The following ATP13A4 variants were observed in gnomAD, a reference collection of about 807,000 sequenced individuals.
ATP13A4 encodes probable cation-transporting ATPase 13A4.
A neutral mutation model predicts 142.5 loss-of-function variants in ATP13A4; 114 were observed. The observed-to-expected ratio is 0.80, with a 90% CI of 0.69 to 0.93. The LOEUF (loss-of-function observed/expected upper bound fraction) is 0.93, where lower values mean the gene tolerates loss of function less well. Among genes scored for constraint, ATP13A4 ranks in the 40% least tolerant of loss-of-function variants. The pLI, the probability that ATP13A4 is intolerant of heterozygous loss-of-function variation, is 0.00. For missense variants in ATP13A4, 1,392 were observed against 1,454.0 expected (o/e 0.96, Z 0.69); for synonymous variants, 488 against 514.8 (o/e 0.95, Z 0.70).
At chr3:193,493,947 A>G (rs1360905009) in intron 3 of ATP13A4, among the ~76,000 whole-genome samples, 2 of 152,118 alleles carry the variant, frequency 1.3e-5, no homozygotes, top group Non-Finnish European at 2.9e-5. Flanking sequence ...GAATGGAAGA[A>G]GACATTCCAT....
chr3:193,564,887 A>G (rs1724098073), intron 2 of ATP13A4, among the ~76,000 whole-genome samples: 2 of 152,100 alleles, frequency 1.3e-5, no homozygotes. Context: ...TTAGATTCTC[A>G]TAGGAGCACA....
chr3:193,487,263 G>A (rs1719685953), intron 7 of ATP13A4, among the ~76,000 whole-genome samples: 1 of 151,894 alleles, frequency 6.6e-6, no homozygotes, highest in African/African-American at 2.4e-5. Flanking sequence ...CACTGCAGGG[G>A]GACCATAACA....
chr3:193,563,652 TGA>T (rs1293760305), intron 2 of ATP13A4, among the ~76,000 whole-genome samples: 1 of 152,232 alleles, frequency 6.6e-6, no homozygotes, highest in Non-Finnish European at 1.5e-5. Flanking sequence ...GGCAATAGAC[TGA>T]GAGTGTCTCA....
chr3:193,511,208 T>C (rs935864780), intron 2 of ATP13A4, among the ~76,000 whole-genome samples: 2 of 152,162 alleles, frequency 1.3e-5, no homozygotes, highest in Non-Finnish European at 2.9e-5. Flanking sequence ...CTTAGACTGC[T>C]CTGATTAGCT....
At chr3:193,506,443 G>A (rs1177686463) in intron 2 of ATP13A4, among the ~76,000 whole-genome samples, 8 of 152,152 alleles carry the variant, frequency 5.3e-5, no homozygotes, top group Admixed American at 1.3e-4. Context: ...TTCAAAAGTC[G>A]AATGTATACA....
intron 1 of ATP13A4, among the ~76,000 whole-genome samples, chr3:193,541,111 T>A (rs868787922): frequency 3.2e-4 from 49 of 151,562 alleles, no homozygotes; most frequent in African/African-American, 1.1e-3. Flanking sequence ...TAGCCGGGCG[T>A]GGTGGCAGGC....
intron 1 of ATP13A4, among the ~76,000 whole-genome samples, chr3:193,526,496 T>G (rs964531757): frequency 4.6e-5 from 7 of 152,058 alleles, no homozygotes; most frequent in African/African-American, 1.7e-4. Context: ...GACAAATACC[T>G]AATACGTGCA....
At chr3:193,445,518 A>G (rs1560192017) in intron 18 of ATP13A4, among the ~76,000 whole-genome samples, 1 of 152,092 alleles carries the variant, frequency 6.6e-6, no homozygotes, top group Non-Finnish European at 1.5e-5. Context: ...GCACTTTGGG[A>G]GGCCAAGGTG....
chr3:193,519,476 T>TCCCATGGCTTG (rs1236946887), intron 1 of ATP13A4, among the ~76,000 whole-genome samples: 1 of 152,118 alleles, frequency 6.6e-6, no homozygotes, highest in African/African-American at 2.4e-5. Context: ...CTCATGGTCT[T>TCCCATGGCTTG]CCCATGGCTT....
Position 193,457,317 on chromosome 3 carries a change from G to C in ATP13A4, c.1761+62C>G. ...CACATCTGTGACCTTTCAAAAACTG[G>C]GGGCCAGAAGAGTTTCTCTTTGAGT... On this transcript the variant is annotated intron_variant, in intron 15 of 29. Transcript: ENST00000342695. 4.4e-6 allele frequency: 7 copies of C among 1,595,354 alleles called. No individual in the cohort carries two copies. In the South Asian group the frequency reaches 6.6e-5, roughly 15 times the overall value.
intron 2 of ATP13A4, among the ~76,000 whole-genome samples, chr3:193,560,414 G>T (rs1723989629): frequency 6.6e-6 from 1 of 151,994 alleles, no homozygotes; most frequent in Non-Finnish European, 1.5e-5. Flanking sequence ...AAAACATGTT[G>T]CCCAGGCTGG....
intron 2 of ATP13A4, among the ~76,000 whole-genome samples, chr3:193,564,911 A>C (rs1724098944): frequency 6.6e-6 from 1 of 152,102 alleles, no homozygotes; most frequent in South Asian, 2.1e-4. Context: ...CCTACTGTGA[A>C]CTGCACATGA....
At chr3:193,545,390 G>A (rs1361556316) in intron 1 of ATP13A4, among the ~76,000 whole-genome samples, 2 of 152,062 alleles carry the variant, frequency 1.3e-5, no homozygotes, top group African/African-American at 4.8e-5. Flanking sequence ...GGACATTTGG[G>A]CCTCCTCTCT....
chr3:193,465,602 C>A (rs1264639378), intron 11 of ATP13A4, among the ~76,000 whole-genome samples: 3 of 152,126 alleles, frequency 2.0e-5, no homozygotes, highest in Non-Finnish European at 2.9e-5. Flanking sequence ...AATAAAAAAC[C>A]CATGTGATTT....
In ATP13A4 at chr3:193,509,829, G is replaced by A. The variant is rs539998173; in HGVS notation, c.234+4869C>T. On this transcript the variant is annotated intron_variant, in intron 2 of 29. Transcript: ENST00000342695. The stretch of plus-strand genomic sequence containing the variant: ...ACACCTACTTTCTACATTTACTTGA[G>A]AAAGAGAAAGCATGTGTGTGTGTTG... Among the ~76,000 whole-genome samples the A allele has an allele frequency of 8.5e-5, 13 of 152,278 alleles. No homozygotes were observed. In the East Asian group the frequency reaches 2.5e-3, roughly 29 times the overall value.
At chr3:193,564,303 G>A (rs999349864) in intron 2 of ATP13A4, among the ~76,000 whole-genome samples, 4 of 152,182 alleles carry the variant, frequency 2.6e-5, no homozygotes, top group Admixed American at 1.3e-4. Flanking sequence ...TTCATGATCT[G>A]GGCAAAATCC....
chr3:193,539,593 C>G (rs568841458), intron 1 of ATP13A4, among the ~76,000 whole-genome samples: 1 of 152,334 alleles, frequency 6.6e-6, no homozygotes, highest in African/African-American at 2.4e-5. Context: ...TTAAATGTTT[C>G]TTTCTGAGAA....
intron 7 of ATP13A4, among the ~76,000 whole-genome samples, chr3:193,488,869 T>A (rs776013404): frequency 3.3e-5 from 5 of 151,762 alleles, no homozygotes; most frequent in Non-Finnish European, 7.4e-5. Flanking sequence ...AAGAGAGGAG[T>A]CATTCATGGA....
intron 16 of ATP13A4, among the ~76,000 whole-genome samples, chr3:193,455,064 T>C (rs1449036917): frequency 6.7e-6 from 1 of 149,620 alleles, no homozygotes; most frequent in Non-Finnish European, 1.5e-5. Context: ...AAGGGCCGGG[T>C]GTGGTGGCTC....
Sources: allele counts gnomAD v4.1 joint callset (sites outside exome capture counted in the v4.1 genomes callset), GRCh38; gene constraint gnomAD v4.1.1; transcripts MANE v1.5; gene names NCBI Gene and HGNC (gene_info 2026-07-23, HGNC 2026-07-21).